PTPRD: variants seen among roughly 807,000 people sequenced by gnomAD.
The protein encoded by PTPRD is protein tyrosine phosphatase receptor type D.
PTPRD carries 34 observed loss-of-function variants against 214.5 expected under a neutral mutation model. The observed-to-expected ratio is 0.16, with a 90% CI of 0.12 to 0.21. The LOEUF (loss-of-function observed/expected upper bound fraction) is 0.21, where lower values mean the gene tolerates loss of function less well. Among genes scored for constraint, PTPRD ranks in the 10% least tolerant of loss-of-function variants. The pLI, the probability that PTPRD is intolerant of heterozygous loss-of-function variation, is 1.00. For missense variants in PTPRD, 2,545 were observed against 2,398.7 expected, an observed-to-expected ratio of 1.06 and a Z score of -1.27; for synonymous variants, 1,128 against 845.7, an observed-to-expected ratio of 1.33 and a Z score of -5.79.
intron 5 of PTPRD, among the ~76,000 whole-genome samples, chr9:9,822,525 T>TA (rs2051154417): frequency 6.7e-6 from 1 of 148,308 alleles, no homozygotes; most frequent in East Asian, 1.9e-4. Context: ...ACATAATATA[T>TA]TATATATAGT....
chr9:8,562,486 G>C (rs2086794780), intron 14 of PTPRD, among the ~76,000 whole-genome samples: 1 of 151,776 alleles, frequency 6.6e-6, no homozygotes, highest in African/African-American at 2.4e-5. Flanking sequence ...ATGCAGGCTG[G>C]TGTGCAGTGG....
intron 5 of PTPRD, among the ~76,000 whole-genome samples, chr9:9,895,737 T>C (rs2074781725): frequency 6.6e-6 from 1 of 152,110 alleles, no homozygotes; most frequent in African/African-American, 2.4e-5. Flanking sequence ...ATTATTTTTG[T>C]TTCTTCAAAT....
At position 10,287,889 on chromosome 9, in the gene PTPRD, G is replaced by T. The variant is rs1322966840; in HGVS notation, c.-545+53074C>A. On this transcript the variant is annotated intron_variant, in intron 3 of 45. Transcript: ENST00000381196. ...AACATAGTGTTTTGCCAGACAGAGGGGGTTTTCTCTCCTAAGAGACATTCT... is the reference window on the plus strand; with the variant it reads ...AACATAGTGTTTTGCCAGACAGAGGTGGTTTTCTCTCCTAAGAGACATTCT... Among the ~76,000 whole-genome samples the T allele has an allele frequency of 2.0e-5, 3 of 151,814 alleles. No homozygotes were observed. In the South Asian group the frequency reaches 6.2e-4, roughly 32 times the overall value.
intron 7 of PTPRD, among the ~76,000 whole-genome samples, chr9:9,708,492 C>T (rs907747009): frequency 2.0e-5 from 3 of 151,988 alleles, no homozygotes; most frequent in African/African-American, 7.2e-5. Flanking sequence ...TTATTACTGC[C>T]ATTATTGTTT....
chr9:10,131,813 T>G (rs968918540), intron 3 of PTPRD, among the ~76,000 whole-genome samples: 1 of 152,198 alleles, frequency 6.6e-6, no homozygotes, highest in African/African-American at 2.4e-5. Context: ...AAGGTGGATT[T>G]GATCATTGAC....
chr9:10,469,533 A>T (rs2099016391), intron 2 of PTPRD, among the ~76,000 whole-genome samples: 1 of 152,170 alleles, frequency 6.6e-6, no homozygotes, highest in Admixed American at 6.6e-5. Flanking sequence ...AAAAGCTCAC[A>T]CTAAAGTTCA....
At chr9:10,229,019 C>A (rs1363370996) in intron 3 of PTPRD, among the ~76,000 whole-genome samples, 1 of 151,724 alleles carries the variant, frequency 6.6e-6, no homozygotes, top group Non-Finnish European at 1.5e-5. Context: ...GATGTTTTGC[C>A]GGTATATGAG....
At chr9:10,475,441 C>T (rs762629843) in intron 2 of PTPRD, among the ~76,000 whole-genome samples, 3 of 151,428 alleles carry the variant, frequency 2.0e-5, no homozygotes, top group Non-Finnish European at 3.0e-5. Flanking sequence ...ACAAAGAAGT[C>T]GAATCCCTGA....
intron 35 of PTPRD, among the ~76,000 whole-genome samples, chr9:8,434,695 CAT>C (rs1167084157): frequency 6.6e-6 from 1 of 151,978 alleles, no homozygotes; most frequent in Non-Finnish European, 1.5e-5. Flanking sequence ...TAATAAGAAT[CAT>C]ATAACAATAA....
intron 14 of PTPRD, among the ~76,000 whole-genome samples, chr9:8,612,236 A>G (rs2095478024): frequency 6.6e-6 from 1 of 152,226 alleles, no homozygotes; most frequent in South Asian, 2.1e-4. Context: ...CCTACAAAAC[A>G]TATCTCCTTT....
chr9:8,790,766 AG>A (rs2096198034), intron 11 of PTPRD, among the ~76,000 whole-genome samples: 1 of 129,034 alleles, frequency 7.7e-6, no homozygotes, highest in African/African-American at 2.5e-5. Context: ...ATGTAGGGAA[AG>A]GAAAAAAAAA....
At chr9:10,490,922 G>A (rs2039995308) in intron 2 of PTPRD, among the ~76,000 whole-genome samples, 1 of 152,124 alleles carries the variant, frequency 6.6e-6, no homozygotes, top group African/African-American at 2.4e-5. Context: ...TAGGTTATAA[G>A]TGGGGTTATA....
At chr9:9,594,114 T>C (rs1055620823) in intron 7 of PTPRD, among the ~76,000 whole-genome samples, 4 of 152,018 alleles carry the variant, frequency 2.6e-5, no homozygotes, top group Admixed American at 2.0e-4. Flanking sequence ...CATTTTAGAA[T>C]ATGAAAGAAG....
chr9:9,427,159 C>T (rs147198115), intron 8 of PTPRD, among the ~76,000 whole-genome samples: 91 of 152,186 alleles, frequency 6.0e-4, no homozygotes, highest in African/African-American at 2.1e-3. Flanking sequence ...AAGCTAAAAA[C>T]CTTGAAAAAA....
intron 9 of PTPRD, among the ~76,000 whole-genome samples, chr9:9,376,218 CTATAATCTA>C (rs939040350): frequency 1.3e-5 from 2 of 151,996 alleles, no homozygotes; most frequent in African/African-American, 4.8e-5. Flanking sequence ...CATTTTTCTA[CTATAATCTA>C]TATGTATAGG....
At chr9:10,027,711 T>C (rs10738146) in intron 4 of PTPRD, among the ~76,000 whole-genome samples, 66,096 of 152,006 alleles carry the variant, frequency 0.43, 17,483 homozygotes, top group Middle Eastern at 0.64. Flanking sequence ...AAAATATTTA[T>C]ATAAAAATAT....
intron 7 of PTPRD, among the ~76,000 whole-genome samples, chr9:9,622,263 G>T (rs1040991585): frequency 3.3e-5 from 5 of 152,096 alleles, no homozygotes; most frequent in African/African-American, 1.2e-4. Flanking sequence ...AAGATAAATA[G>T]GGTTATTTTC....
chr9:9,214,397 TG>T (rs1395434746), intron 9 of PTPRD, among the ~76,000 whole-genome samples: 17 of 152,352 alleles, frequency 1.1e-4, no homozygotes, highest in African/African-American at 4.1e-4. Flanking sequence ...AGGCTGAATT[TG>T]TTTTAGTCCA....
At chr9:9,230,079 T>C (rs898717256) in intron 9 of PTPRD, among the ~76,000 whole-genome samples, 1 of 152,124 alleles carries the variant, frequency 6.6e-6, no homozygotes, top group Non-Finnish European at 1.5e-5. Flanking sequence ...AACAGTGTAT[T>C]TGGTCTTTGT....
Sources: allele counts gnomAD v4.1 joint callset (sites outside exome capture counted in the v4.1 genomes callset), GRCh38; gene constraint gnomAD v4.1.1; transcripts MANE v1.5; gene names NCBI Gene and HGNC (gene_info 2026-07-23, HGNC 2026-07-21).